The following DHX35 variants were observed in gnomAD, a reference collection of about 807,000 sequenced individuals.
The protein encoded by DHX35 is DEAH-box helicase 35, also known as probable ATP-dependent RNA helicase DHX35.
DHX35 carries 84 observed loss-of-function variants against 99.6 expected under a neutral mutation model. The ratio of observed to expected loss-of-function variants is 0.84; its 90% CI spans 0.71 to 1.01. The LOEUF is 1.01. Ranked by LOEUF, DHX35 falls within the 50% of genes least tolerant of loss-of-function variation. DHX35 has a pLI of 0.00. For synonymous variants in DHX35, 331 were observed against 316.2 expected, an observed-to-expected ratio of 1.05 and a Z score of -0.50; for missense variants, 852 against 888.5, an observed-to-expected ratio of 0.96 and a Z score of 0.52.
intron 21 of DHX35, among the ~76,000 whole-genome samples, chr20:39,037,675 G>A (rs1460236391): frequency 1.3e-5 from 2 of 152,170 alleles, no homozygotes; most frequent in African/African-American, 2.4e-5. Context: ...CACGGCTTAG[G>A]GATCTCTTGG....
chr20:38,976,980 C>G (rs552396339), intron 3 of DHX35, among the ~76,000 whole-genome samples: 1 of 152,102 alleles, frequency 6.6e-6, no homozygotes, highest in African/African-American at 2.4e-5. Context: ...GTATATATAT[C>G]ACATTTTAAA....
Position 39,028,451 on chromosome 20 carries a change from C to A in DHX35, c.1835C>A (p.Ser612Tyr), listed in dbSNP as rs1363842647. The A allele has an allele frequency of 1.2e-6, 2 of 1,614,104 alleles. No individual in the cohort carries two copies. Among genetic ancestry groups the A allele is most frequent in the Non-Finnish European group, 1.7e-6 (2 of 1,180,054 alleles). Residue 612 changes from serine (S) to tyrosine (Y), a missense_variant, in exon 19 of 22, where the codon TCC (serine) becomes TAC (tyrosine). Coordinates refer to ENST00000252011, the MANE Select transcript of DHX35 (RefSeq NM_021931.4). ...DPDLVLRCIV[S>Y]GFFANAARFH... The stretch of plus-strand genomic sequence containing the variant: ...GATCTGGTTCTGAGGTGCATTGTCT[C>A]CGGCTTCTTCGCCAATGCAGCGAGG...
At chr20:39,010,667 C>T (rs765912258) in intron 13 of DHX35, among the ~76,000 whole-genome samples, 1 of 152,118 alleles carries the variant, frequency 6.6e-6, no homozygotes, top group Non-Finnish European at 1.5e-5. Context: ...GAGCAGTGTG[C>T]CCAGGGCTCT....
chr20:39,028,601 G>A, intron 19 of DHX35, 102 bp downstream of exon 19: 1 of 1,298,348 alleles, frequency 7.7e-7, no homozygotes, highest in Admixed American at 2.0e-5. Context: ...ATAATTATTT[G>A]TAATTTCTAC....
chr20:39,036,985 A>G (rs2087163982), intron 21 of DHX35, among the ~76,000 whole-genome samples: 1 of 152,180 alleles, frequency 6.6e-6, no homozygotes, highest in Admixed American at 6.5e-5. Flanking sequence ...CAGATCATTC[A>G]CGGCTCTGTT....
intron 3 of DHX35, among the ~76,000 whole-genome samples, chr20:38,979,118 A>T (rs1445626837): frequency 6.6e-6 from 1 of 151,820 alleles, no homozygotes; most frequent in Non-Finnish European, 1.5e-5. Context: ...GAAGTCAGGT[A>T]ATGCCTTCAC....
chr20:38,965,518 A>G (rs749130865), intron 1 of DHX35, among the ~76,000 whole-genome samples: 1 of 152,134 alleles, frequency 6.6e-6, no homozygotes, highest in Non-Finnish European at 1.5e-5. Context: ...ACTGGATAGT[A>G]TGTACAGTGG....
chr20:39,001,644 C>A, intron 8 of DHX35, 86 bp from the exon 9 acceptor site: 1 of 1,044,768 alleles, frequency 9.6e-7, no homozygotes, highest in Non-Finnish European at 1.4e-6. Flanking sequence ...CTGTCTTTGG[C>A]AAGTTTTATA....
At chr20:39,028,909 C>T (rs751928036) in intron 19 of DHX35, among the ~76,000 whole-genome samples, 7 of 152,176 alleles carry the variant, frequency 4.6e-5, no homozygotes, top group Non-Finnish European at 1.5e-5. Context: ...AGTGTGGCCA[C>T]GTCTGGTGTC....
chr20:39,031,564 T>C (rs1352993626), intron 20 of DHX35, among the ~76,000 whole-genome samples: 1 of 152,164 alleles, frequency 6.6e-6, no homozygotes, highest in Non-Finnish European at 1.5e-5. Flanking sequence ...CTCCAACTCC[T>C]GACCTCAGGT....
intron 21 of DHX35, among the ~76,000 whole-genome samples, chr20:39,036,100 G>C (rs1169104816): frequency 6.6e-6 from 1 of 152,230 alleles, no homozygotes; most frequent in Non-Finnish European, 1.5e-5. Context: ...GAGGTTGAAA[G>C]AGGAATGGTG....
intron 17 of DHX35, among the ~76,000 whole-genome samples, chr20:39,024,966 G>A (rs1600443943): frequency 2.0e-5 from 3 of 152,174 alleles, no homozygotes; most frequent in African/African-American, 7.2e-5. Flanking sequence ...TCTCATGAAG[G>A]TATGTAAGAT....
rs1366214120 is a variant in DHX35, at chr20:39,003,789, C to T, written c.893C>T (p.Ala298Val). ...ETVVSMLIEQ[A>V]RALARTGMKR... Reference sequence around the variant, plus strand: ...GTTGTGTCGATGCTCATCGAGCAGGCTCGAGCACTAGCTCGCACTGGGATG... The same window carrying T: ...GTTGTGTCGATGCTCATCGAGCAGGTTCGAGCACTAGCTCGCACTGGGATG... The change falls in exon 11 of 22, where the codon GCT (alanine) becomes GTT (valine). Residue 298 changes from alanine to valine, a missense_variant. Coordinates refer to ENST00000252011, the MANE Select transcript of DHX35 (RefSeq NM_021931.4). 1.2e-6 allele frequency: 2 copies of T among 1,614,208 alleles called. No individual in the cohort carries two copies. Among genetic ancestry groups the T allele is most frequent in the East Asian group, 4.5e-5 (2 of 44,876 alleles).
chr20:38,987,812 A>G (rs1434249094), intron 4 of DHX35, among the ~76,000 whole-genome samples: 1 of 151,740 alleles, frequency 6.6e-6, no homozygotes, highest in African/African-American at 2.4e-5. Flanking sequence ...TTTTTTATTG[A>G]TCTTCTCATC....
intron 3 of DHX35, among the ~76,000 whole-genome samples, chr20:38,977,206 C>G (rs939558498): frequency 2.0e-5 from 3 of 152,128 alleles, no homozygotes; most frequent in African/African-American, 7.2e-5. Flanking sequence ...TTTACATTGT[C>G]ACCAACAGTG....
intron 5 of DHX35, among the ~76,000 whole-genome samples, chr20:38,990,905 TGA>T (rs1427621277): frequency 6.6e-6 from 1 of 152,188 alleles, no homozygotes; most frequent in Non-Finnish European, 1.5e-5. Context: ...ACAGAGAAGA[TGA>T]GTAACTTGTC....
At position 38,983,583 on chromosome 20, in the gene DHX35, C is replaced by T; in HGVS notation, c.268-116C>T. On this transcript the variant is annotated intron_variant, in intron 3 of 21. Coordinates refer to ENST00000252011, the MANE Select transcript of DHX35 (RefSeq NM_021931.4). ...AATAATTCCCAAAGTTCTGCTGGGA[C>T]AAGAACTGTACTTTTTCCTTTCTTA... is the stretch of plus-strand genomic sequence containing the variant. 3 of 734,518 alleles carry T rather than the reference C, an allele frequency of 4.1e-6. No individual in the cohort carries two copies. The South Asian group carries it at 6.3e-5, about 15-fold the overall frequency. 45.5% of individuals were successfully genotyped at this position (734,518 alleles called of 1,614,324 possible).
At chr20:39,026,672 A>G (rs977946353) in intron 18 of DHX35, among the ~76,000 whole-genome samples, 1 of 152,098 alleles carries the variant, frequency 6.6e-6, no homozygotes, top group Non-Finnish European at 1.5e-5. Flanking sequence ...ATGGTGGCAA[A>G]GAGCACTCTA....
chr20:39,019,193 C>T (rs1555827796), intron 15 of DHX35, among the ~76,000 whole-genome samples: 1 of 152,148 alleles, frequency 6.6e-6, no homozygotes, highest in Non-Finnish European at 1.5e-5. Flanking sequence ...CTGCCCCGCC[C>T]CTGGCAACCA....
Sources: allele counts gnomAD v4.1 joint callset (sites outside exome capture counted in the v4.1 genomes callset), GRCh38; gene constraint gnomAD v4.1.1; transcripts MANE v1.5; gene names NCBI Gene and HGNC (gene_info 2026-07-23, HGNC 2026-07-21).